Variants in RTL1 observed in about 807,000 individuals in gnomAD.
RTL1 encodes the protein retrotransposon-like protein 1.
For missense variants in RTL1, 1,681 were observed against 1,767.5 expected (o/e 0.95, Z 0.88); for synonymous variants, 727 against 748.4 (o/e 0.97, Z 0.47).
At position 100,883,660 on chromosome 14, in the gene RTL1, G is replaced by A. The variant is rs1484510513; in HGVS notation, c.1129C>T (p.Arg377Trp). The stretch of plus-strand genomic sequence containing the variant: ...GGTGAGTCGATCCAGGTCAGGTTCC[G>A]GGGGCGGGCCTCGGGGGGCAGCCTG... ...MLRLPPEARPRNLTWIDSPAP... is the reference protein window; with the variant it reads ...MLRLPPEARPWNLTWIDSPAP... Residue 377 changes from arginine to tryptophan, a missense_variant, in exon 4 of 4, where the codon CGG becomes TGG. By Grantham distance (101) the Arg-to-Trp change is moderately radical (BLOSUM62 -3). Coordinates refer to ENST00000649591, the MANE Select transcript of RTL1 (RefSeq NM_001134888.3). This position sits in a 1 kb window ranked among gnomAD's most constrained non-coding sequence, Gnocchi z 5.9. 1.3e-6 allele frequency: 2 copies of A among 1,551,524 alleles called. No homozygotes were observed. Among genetic ancestry groups the A allele is most frequent in the South Asian group, 1.2e-5 (1 of 84,058 alleles).
At chr14:100,890,190 C>T (rs1332164913) in intron 3 of RTL1, among the ~76,000 whole-genome samples, 4 of 151,874 alleles carry the variant, frequency 2.6e-5, no homozygotes, top group Non-Finnish European at 5.9e-5. Context: ...AGACAGACGC[C>T]CCAGCCTCAC....
At chr14:100,902,595 G>C (rs1427620364) in intron 2 of RTL1, among the ~76,000 whole-genome samples, 3 of 150,500 alleles carry the variant, frequency 2.0e-5, no homozygotes, top group Non-Finnish European at 4.5e-5. Context: ...GCCAGCCCTG[G>C]TCAGCCCTGC....
In RTL1 at chr14:100,884,187, G is replaced by C; in HGVS notation, c.602C>G (p.Pro201Arg). The change falls in exon 4 of 4, where the codon CCC becomes CGC. Residue 201 changes from proline to arginine, a missense_variant. Physicochemically the swap from Pro to Arg is moderately radical, Grantham distance 103. Transcript: ENST00000649591. ...LIKGINAGQL[P>R]APKHFSGDRR... The stretch of plus-strand genomic sequence containing the variant: ...ATCGCCAGAGAAGTGCTTTGGGGCG[G>C]GCAGTTGGCCTGCATTGATCCCTTT... The C allele has an allele frequency of 6.4e-7, 1 of 1,551,706 alleles. No homozygotes were observed. The highest frequency in any genetic ancestry group is 8.7e-7 in the Non-Finnish European group (1 of 1,146,972).
intron 2 of RTL1, among the ~76,000 whole-genome samples, 90 bp downstream of exon 2, chr14:100,903,201 G>A (rs1220092552): frequency 6.6e-6 from 1 of 152,180 alleles, no homozygotes; most frequent in Non-Finnish European, 1.5e-5. Flanking sequence ...GTCTGGGGAG[G>A]AGAAACTCAG....
chr14:100,882,960 C>T lies in RTL1; in HGVS notation c.1829G>A (p.Cys610Tyr). Residue 610 changes from cysteine (C) to tyrosine (Y), a missense_variant, in exon 4 of 4, where the codon TGT (cysteine) becomes TAT (tyrosine). Transcript: ENST00000649591. ...AGGTTCCCAAGGCGCGGTGGAGGGA[C>T]ACTCGTAAAAGGTCTCGCTGTGATC... ...DSDHSETFYE[C>Y]PSTAPWEPVG... is the part of the protein sequence containing the mutation. 6.2e-7 allele frequency: 1 copy of T among 1,613,962 alleles called. No individual in the cohort carries two copies. Among genetic ancestry groups the T allele is most frequent in the Non-Finnish European group, 8.5e-7 (1 of 1,180,000 alleles).
At chr14:100,886,226 A>C (rs1595337408) in intron 3 of RTL1, among the ~76,000 whole-genome samples, 1 of 152,078 alleles carries the variant, frequency 6.6e-6, no homozygotes, top group Non-Finnish European at 1.5e-5. Flanking sequence ...AAAAAAAAAA[A>C]AAAAACTGCG....
chr14:100,883,483 T>C lies in RTL1; in HGVS notation c.1306A>G (p.Asn436Asp). 1 of 1,551,380 alleles carries C rather than the reference T, an allele frequency of 6.4e-7. No homozygotes were observed. Among genetic ancestry groups the C allele is most frequent in the Non-Finnish European group, 8.7e-7 (1 of 1,146,950 alleles). The change falls in exon 4 of 4, where the codon AAC becomes GAC. Residue 436 changes from asparagine to aspartate, a missense_variant. Transcript: ENST00000649591. The surrounding 1 kb of genome is among the most constrained non-coding windows in gnomAD (Gnocchi z 5.9). ...TGGGCGAACTTCTCATCCATGAAGT[T>C]GCCGTCAGCTCCCGAATCCACCAGG... is the stretch of plus-strand genomic sequence containing the variant. The part of the protein sequence containing the change: ...QALVDSGADG[N>D]FMDEKFAQEH...
intron 3 of RTL1, among the ~76,000 whole-genome samples, chr14:100,890,738 C>T (rs532817629): frequency 6.6e-6 from 1 of 152,082 alleles, no homozygotes. Context: ...CTCAGAGCTC[C>T]TTGGGTTTGA....
In RTL1 at chr14:100,882,388, G is replaced by C. The variant is rs962414398; in HGVS notation, c.2401C>G (p.Pro801Ala). Residue 801 changes from proline to alanine, a missense_variant, in exon 4 of 4, where the codon CCT (proline) becomes GCT (alanine). By Grantham distance (27) the Pro-to-Ala change is conservative (BLOSUM62 -1). Transcript: ENST00000649591. Reference sequence around the variant, plus strand: ...AGAGATAGCTTGGAGCCAGGGGTAGGGTACCCTGTTATGATGGTCATGACG... The same window carrying C: ...AGAGATAGCTTGGAGCCAGGGGTAGCGTACCCTGTTATGATGGTCATGACG... ...KNVMTIITGYPTPGSKLSLRN... is the reference protein window; with the variant it reads ...KNVMTIITGYATPGSKLSLRN... 7 of 1,551,836 alleles carry C rather than the reference G, an allele frequency of 4.5e-6. No individual in the cohort carries two copies. The highest frequency in any genetic ancestry group is 5.2e-6 in the Non-Finnish European group (6 of 1,147,028).
rs2140036585 is a variant in RTL1 at position 100,883,424 on chromosome 14, G to T, written c.1365C>A (p.Tyr455Ter). 6.4e-7 allele frequency: 1 copy of T among 1,550,486 alleles called. No homozygotes were observed. Among genetic ancestry groups the T allele is most frequent in the South Asian group, 1.2e-5 (1 of 84,030 alleles). Reference sequence around the variant, plus strand: ...CGTCCACGGATTGGACCGGCTGTGGGTACGGCTTCTCGTAGAGCTCGACGT... The same window carrying T: ...CGTCCACGGATTGGACCGGCTGTGGTTACGGCTTCTCGTAGAGCTCGACGT... The part of the protein sequence containing the change: ...EHYVELYEKP[Y>*]PQPVQSVDGS... The change falls in exon 4 of 4, where the codon TAC becomes TAA. Residue 455 changes from tyrosine (Y) to a stop codon, truncating the protein, a stop_gained. Transcript: ENST00000649591. LOFTEE classifies it low-confidence loss of function (END_TRUNC). This position sits in a 1 kb window ranked among gnomAD's most constrained non-coding sequence, Gnocchi z 5.9.
At chr14:100,897,948 A>T in intron 2 of RTL1, 1 of 517,138 alleles carries the variant, frequency 1.9e-6, no homozygotes, top group Non-Finnish European at 3.9e-6. Context: ...GTGTTTATGA[A>T]CAAAAGATCA....
chr14:100,883,796 G>A lies in RTL1; in HGVS notation c.993C>T (p.Asn331=), dbSNP rs952846459. The part of the protein sequence containing the change: ...VLQAHLCQGL[N]EEIRHYLFRV... ...GGAATAGATAGTGCCTGATCTCCTCGTTGAGCCCCTGGCACAAGTGGGCCT... is the reference window on the plus strand; with the variant it reads ...GGAATAGATAGTGCCTGATCTCCTCATTGAGCCCCTGGCACAAGTGGGCCT... Residue 331 remains asparagine, a synonymous_variant, in exon 4 of 4, where the codon AAC becomes AAT. Transcript: ENST00000649591. This position sits in a 1 kb window ranked among gnomAD's most constrained non-coding sequence, Gnocchi z 5.9. The A allele has an allele frequency of 8.4e-6, 13 of 1,551,536 alleles. No homozygotes were observed. The highest frequency in any genetic ancestry group is 1.1e-5 in the Non-Finnish European group (13 of 1,146,994).
chr14:100,902,313 C>A (rs1224860749), intron 2 of RTL1, among the ~76,000 whole-genome samples: 1 of 152,154 alleles, frequency 6.6e-6, no homozygotes, highest in African/African-American at 2.4e-5. Context: ...AATACCCCCA[C>A]CAATGGTGGG....
At chr14:100,886,949 T>C (rs910134843) in intron 3 of RTL1, among the ~76,000 whole-genome samples, 11 of 152,236 alleles carry the variant, frequency 7.2e-5, no homozygotes, top group African/African-American at 2.7e-4. Flanking sequence ...TCCTTCAATG[T>C]TCCTGCCTTC....
At position 100,881,449 on chromosome 14, in the gene RTL1, G is replaced by C; in HGVS notation, c.3340C>G (p.Arg1114Gly). 1 of 1,550,622 alleles carries C rather than the reference G, an allele frequency of 6.4e-7. No homozygotes were observed. Among genetic ancestry groups the C allele is most frequent in the Non-Finnish European group, 8.7e-7 (1 of 1,146,902 alleles). ...CLSLRPAPAM[R>G]VARPQPQRSL... ...CGCTGGGGCTGGGGCCGAGCCACCC[G>C]CATGGCGGGTGCCGGCCGCAGCGAG... Residue 1114 changes from arginine to glycine, a missense_variant, in exon 4 of 4, where the codon CGG (arginine) becomes GGG (glycine). Coordinates refer to ENST00000649591, the MANE Select transcript of RTL1 (RefSeq NM_001134888.3). The surrounding 1 kb of genome is among the most constrained non-coding windows in gnomAD (Gnocchi z 6.6).
chr14:100,885,092 ATT>A (rs2038680024), intron 3 of RTL1, among the ~76,000 whole-genome samples: 1 of 152,226 alleles, frequency 6.6e-6, no homozygotes, highest in Non-Finnish European at 1.5e-5. Context: ...TCCCAGGCTT[ATT>A]CAGTCTGCCT....
At chr14:100,897,427 C>T (rs531907948) in intron 2 of RTL1, among the ~76,000 whole-genome samples, 5 of 152,138 alleles carry the variant, frequency 3.3e-5, no homozygotes, top group Admixed American at 6.5e-5. Context: ...CCCTCGATCC[C>T]TCCCCATCAC....
chr14:100,895,109 C>A (rs369093941), intron 2 of RTL1: 1 of 152,270 alleles, frequency 6.6e-6, no homozygotes, highest in Non-Finnish European at 1.5e-5. Flanking sequence ...GAGTCAGGGT[C>A]GTATAACCTT....
chr14:100,883,931 C>T lies in RTL1; in HGVS notation c.858G>A (p.Val286=). 2 of 1,551,646 alleles carry T rather than the reference C, an allele frequency of 1.3e-6. No homozygotes were observed. The highest frequency in any genetic ancestry group is 8.7e-7 in the Non-Finnish European group (1 of 1,146,994). Residue 286 remains valine (V), a synonymous_variant, in exon 4 of 4, where the codon GTG becomes GTA. Transcript: ENST00000649591. The surrounding 1 kb of genome is among the most constrained non-coding windows in gnomAD (Gnocchi z 5.9). ...EVFEYRQALR[V]AEEAMFTIRQ... The stretch of plus-strand genomic sequence containing the variant: ...TGATGGTGAACATGGCCTCTTCTGC[C>T]ACACGCAGTGCCTGGCGGTACTCAA...
Sources: allele counts gnomAD v4.1 joint callset (sites outside exome capture counted in the v4.1 genomes callset), GRCh38; gene constraint gnomAD v4.1.1; non-coding constraint Gnocchi (gnomAD v3.1); transcripts MANE v1.5; gene names NCBI Gene and HGNC (gene_info 2026-07-23, HGNC 2026-07-21).